Variants in PHF13 observed in about 807,000 individuals in gnomAD.
The protein encoded by PHF13 is PHD zinc finger protein PHF5.
PHF13 carries 1 observed loss-of-function variant against 25.8 expected under a neutral mutation model. The ratio of observed to expected loss-of-function variants is 0.04; its 90% CI spans 0.01 to 0.18. The LOEUF (loss-of-function observed/expected upper bound fraction) is 0.18, where lower values mean the gene tolerates loss of function less well. Among genes scored for constraint, PHF13 ranks in the 10% least tolerant of loss-of-function variants. The pLI is 1.00. For synonymous variants in PHF13, 195 were observed against 162.4 expected, an observed-to-expected ratio of 1.20 and a Z score of -1.53; for missense variants, 306 against 403.2, an observed-to-expected ratio of 0.76 and a Z score of 2.06.
intron 1 of PHF13, among the ~76,000 whole-genome samples, chr1:6,615,009 C>T (rs1273847872): frequency 6.6e-6 from 1 of 151,446 alleles, no homozygotes; most frequent in Non-Finnish European, 1.5e-5. Flanking sequence ...GCCTGGCGCA[C>T]CCCCCTCACA....
chr1:6,620,899 G>A (rs937463477), intron 3 of PHF13, among the ~76,000 whole-genome samples: 26 of 152,046 alleles, frequency 1.7e-4, no homozygotes, highest in Non-Finnish European at 3.5e-4. Flanking sequence ...GGGCGTGGTG[G>A]TGCGCGCCTG....
At chr1:6,620,582 G>GTAAGCA (rs1349846729) in intron 3 of PHF13, among the ~76,000 whole-genome samples, 1 of 150,470 alleles carries the variant, frequency 6.6e-6, no homozygotes, top group Non-Finnish European at 1.5e-5. Context: ...ATAGTTCTAA[G>GTAAGCA]TAAGCATCCA....
In PHF13 at chr1:6,613,881, C is replaced by A. The variant is rs988378265; in HGVS notation, c.-186C>A. 2 of 516,002 alleles carry A rather than the reference C, an allele frequency of 3.9e-6. No individual in the cohort carries two copies. Among genetic ancestry groups the A allele is most frequent in the East Asian group, 7.2e-5 (2 of 27,916 alleles). The allele number at this position is 516,002 out of a possible 1,614,324, so 32.0% of individuals were successfully genotyped here. A position where few individuals can be genotyped will look rare whatever the true frequency, so the allele number is the denominator to read the frequency against. On this transcript the variant is annotated 5_prime_UTR_variant, in exon 1 of 4. Coordinates refer to ENST00000377648, the MANE Select transcript of PHF13 (RefSeq NM_153812.3). ...TCGTCCACTCCGGTCGGCGGTGGAA[C>A]CGCCAGTCCGGGGTCACAGAGCTTG...
At chr1:6,617,997 C>T (rs916772909) in intron 2 of PHF13, among the ~76,000 whole-genome samples, 1 of 152,226 alleles carries the variant, frequency 6.6e-6, no homozygotes, top group Non-Finnish European at 1.5e-5. Flanking sequence ...TGATTGTCTT[C>T]AGGGACTCAT....
At position 6,615,931 on chromosome 1, in the gene PHF13, G is replaced by A. The variant is rs183980066; in HGVS notation, c.40-826G>A. Among the ~76,000 whole-genome samples the A allele has an allele frequency of 7.0e-4, 107 of 152,170 alleles. 1 individual carries two copies. The highest frequency in any genetic ancestry group is 2.5e-3 in the African/African-American group (102 of 41,526). ...AGTGGAGGGGACCCTCTGAGCACGA[G>A]AGAGGGGTCCTCAGGTGGCGCTAGC... On this transcript the variant is annotated intron_variant, in intron 1 of 3. Coordinates refer to ENST00000377648, the MANE Select transcript of PHF13 (RefSeq NM_153812.3).
chr1:6,623,953 CTG>C lies in PHF13; in HGVS notation c.*2318_*2319del, dbSNP rs1268436983. ...ATAAAGCGAAGCTGTTTCTGTGAAACTGTATATTTTGTAAATAAATATATTGC... is the reference window on the plus strand; with the variant it reads ...ATAAAGCGAAGCTGTTTCTGTGAAACTATATTTTGTAAATAAATATATTGC... On this transcript the variant is annotated 3_prime_UTR_variant, in exon 4 of 4. Coordinates refer to ENST00000377648, the MANE Select transcript of PHF13 (RefSeq NM_153812.3). The C allele has an allele frequency of 1.3e-5, 2 of 152,638 alleles. No homozygotes were observed. The highest frequency in any genetic ancestry group is 2.4e-5 in the African/African-American group (1 of 41,452). 9.5% of individuals were successfully genotyped at this position (152,638 alleles called of 1,614,324 possible).
In PHF13 at chr1:6,620,265, C is replaced by G; in HGVS notation, c.604C>G (p.Arg202Gly). ...AACTGAAGGCAAACGGACTATCGTC[C>G]GGCAGGGAAAGCAGGTGGTGTTCCG... ...IKTEGKRTIV[R>G]QGKQVVFRDE... The change falls in exon 3 of 4, where the codon CGG becomes GGG. Residue 202 changes from arginine to glycine, a missense_variant. Arg to Gly is a moderately radical substitution (Grantham distance 125, BLOSUM62 -2). This residue lies in a region of PHF13 where 186 missense variants were observed against 164.0 expected (regional missense o/e 1.13). Transcript: ENST00000377648. 1 of 1,613,848 alleles carries G rather than the reference C, an allele frequency of 6.2e-7. No homozygotes were observed. Among genetic ancestry groups the G allele is most frequent in the South Asian group, 1.1e-5 (1 of 91,062 alleles).
chr1:6,616,307 G>C (rs1294920269), intron 1 of PHF13, among the ~76,000 whole-genome samples: 3 of 152,164 alleles, frequency 2.0e-5, no homozygotes, highest in Non-Finnish European at 4.4e-5. Flanking sequence ...GATTACAGAC[G>C]AGAGCCACCG....
At position 6,621,644 on chromosome 1, in the gene PHF13, G is replaced by A. The variant is rs1242881431; in HGVS notation, c.*7G>A. 2 of 1,613,852 alleles carry A rather than the reference G, an allele frequency of 1.2e-6. No homozygotes were observed. The highest frequency in any genetic ancestry group is 3.3e-5 in the Admixed American group (2 of 60,016). ...GAAGCTGTTCCTGGACTGACTGCTG[G>A]CTGGCGAGGAGGCTGCGAGCGTGGA... On this transcript the variant is annotated 3_prime_UTR_variant, in exon 4 of 4. Coordinates refer to ENST00000377648, the MANE Select transcript of PHF13 (RefSeq NM_153812.3). The surrounding 1 kb of genome is among the most constrained non-coding windows in gnomAD (Gnocchi z 4.8).
chr1:6,622,568 C>G lies in PHF13; in HGVS notation c.*931C>G, dbSNP rs1395904741. Reference sequence around the variant, plus strand: ...CAATCACTGGGACCCGCATGGTGTTCCTCCAAAGAATAGGGTAAAGGAGAG... The same window carrying G: ...CAATCACTGGGACCCGCATGGTGTTGCTCCAAAGAATAGGGTAAAGGAGAG... On this transcript the variant is annotated 3_prime_UTR_variant, in exon 4 of 4. Coordinates refer to ENST00000377648, the MANE Select transcript of PHF13 (RefSeq NM_153812.3). The G allele has an allele frequency of 6.6e-6, 1 of 152,350 alleles. No individual in the cohort carries two copies. The highest frequency in any genetic ancestry group is 2.1e-4 in the South Asian group (1 of 4,826). 9.4% of individuals were successfully genotyped at this position (152,350 alleles called of 1,614,324 possible).
chr1:6,616,185 C>A (rs1303020760), intron 1 of PHF13, among the ~76,000 whole-genome samples: 1 of 151,986 alleles, frequency 6.6e-6, no homozygotes, highest in African/African-American at 2.4e-5. Flanking sequence ...CACGCCACCA[C>A]GCCCGGCTAA....
chr1:6,620,044 A>T lies in PHF13; in HGVS notation c.383A>T (p.Asp128Val). Residue 128 changes from aspartate (D) to valine (V), a missense_variant, in exon 3 of 4, where the codon GAT becomes GTT. This residue lies in a region of PHF13 where 186 missense variants were observed against 164.0 expected (regional missense o/e 1.13). Transcript: ENST00000377648. Reference sequence around the variant, plus strand: ...AAGAAGAGGAAGCGCAGGGACAGTGATGCGCCTGGGAAAGAGGGGTACAGG... The same window carrying T: ...AAGAAGAGGAAGCGCAGGGACAGTGTTGCGCCTGGGAAAGAGGGGTACAGG... Reference protein sequence around the residue: ...KKKKRKRRDSDAPGKEGYRGG... With the variant: ...KKKKRKRRDSVAPGKEGYRGG... 1 of 1,613,634 alleles carries T rather than the reference A, an allele frequency of 6.2e-7. No individual in the cohort carries two copies. Among genetic ancestry groups the T allele is most frequent in the Non-Finnish European group, 8.5e-7 (1 of 1,179,990 alleles).
rs377040297 is a variant in PHF13, at chr1:6,620,053, G to A, written c.392G>A (p.Gly131Glu). ...KRKRRDSDAPGKEGYRGGLLK... is the reference protein window; with the variant it reads ...KRKRRDSDAPEKEGYRGGLLK... ...AAGCGCAGGGACAGTGATGCGCCTG[G>A]GAAAGAGGGGTACAGGGGGGGCTTG... The change falls in exon 3 of 4, where the codon GGG becomes GAG. Residue 131 changes from glycine to glutamate, a missense_variant. Physicochemically the swap from Gly to Glu is moderately conservative, Grantham distance 98. This residue lies in a region of PHF13 where 186 missense variants were observed against 164.0 expected (regional missense o/e 1.13). Transcript: ENST00000377648. The A allele has an allele frequency of 3.1e-6, 5 of 1,613,500 alleles. No individual in the cohort carries two copies. The African/African-American group carries it at 5.3e-5, about 17-fold the overall frequency.
intron 2 of PHF13, among the ~76,000 whole-genome samples, chr1:6,619,000 T>C (rs558342528): frequency 1.3e-5 from 2 of 152,352 alleles, no homozygotes; most frequent in South Asian, 4.1e-4. Flanking sequence ...TTGCAAATGA[T>C]ATGCTTGTGA....
intron 2 of PHF13, among the ~76,000 whole-genome samples, chr1:6,617,588 C>T (rs921166946): frequency 1.3e-5 from 2 of 151,890 alleles, no homozygotes; most frequent in African/African-American, 2.4e-5. Context: ...CCACCACACC[C>T]AGCTAGTTTT....
Position 6,620,162 on chromosome 1 carries a change from C to T in PHF13, c.501C>T (p.Pro167=). ...ATATCCCCCAGGCTCCCAGCGACCC[C>T]TGCTCGGGCTGGGACTCCGATACTC... ...LQDIPQAPSD[P]CSGWDSDTPS... The change falls in exon 3 of 4, where the codon CCC becomes CCT. Residue 167 remains proline (P), a synonymous_variant. Coordinates refer to ENST00000377648, the MANE Select transcript of PHF13 (RefSeq NM_153812.3). 6.2e-7 allele frequency: 1 copy of T among 1,614,002 alleles called. No homozygotes were observed.
chr1:6,617,384 G>A (rs1263670281), intron 2 of PHF13, among the ~76,000 whole-genome samples: 2 of 151,570 alleles, frequency 1.3e-5, no homozygotes, highest in African/African-American at 2.4e-5. Flanking sequence ...CCGCCCAGCC[G>A]ATTTAGTAAA....
chr1:6,617,717 C>T (rs1641281769), intron 2 of PHF13, among the ~76,000 whole-genome samples: 1 of 152,236 alleles, frequency 6.6e-6, no homozygotes, highest in Non-Finnish European at 1.5e-5. Flanking sequence ...CGTTGAGCCA[C>T]TGCACCTGGC....
chr1:6,618,052 G>T (rs1641286644), intron 2 of PHF13, among the ~76,000 whole-genome samples: 2 of 152,154 alleles, frequency 1.3e-5, no homozygotes, highest in African/African-American at 2.4e-5. Flanking sequence ...CACTTGCTGA[G>T]AACAGGGCAG....
Sources: gnomAD v4.1 joint callset for allele counts (sites outside exome capture counted in the v4.1 genomes callset) on GRCh38, gnomAD v4.1.1 for gene constraint, gnomAD v4.1.1 regional missense constraint, Gnocchi (gnomAD v3.1) non-coding constraint, MANE v1.5 for transcripts, NCBI Gene and HGNC (gene_info 2026-07-23, HGNC 2026-07-21) for gene names.